The following PADI3 variants were observed in gnomAD, a reference collection of about 807,000 sequenced individuals.
PADI3 encodes protein-arginine deiminase type-3.
In PADI3, 53 loss-of-function variants were observed where a neutral mutation model predicts 71.5. That is an observed-to-expected ratio of 0.74 (90% CI 0.59 to 0.93). The LOEUF (loss-of-function observed/expected upper bound fraction) is 0.93, where lower values mean the gene tolerates loss of function less well. PADI3 is among the 40% of genes least tolerant of loss of function. The probability of loss-of-function intolerance (pLI) is 0.00; values close to 1 mark genes in which losing one functional copy is unlikely to be tolerated. For synonymous variants in PADI3, 361 were observed against 347.5 expected, an observed-to-expected ratio of 1.04 and a Z score of -0.43; for missense variants, 821 against 868.0, an observed-to-expected ratio of 0.95 and a Z score of 0.68.
chr1:17,267,736 G>A lies in PADI3; in HGVS notation c.527-101G>A, dbSNP rs1157798008. The A allele has an allele frequency of 2.1e-6, 3 of 1,420,148 alleles. 1 individual carries two copies. The highest frequency in any genetic ancestry group is 2.6e-5 in the South Asian group (2 of 76,642). The allele number at this position is 1,420,148 out of a possible 1,614,324, so 88.0% of individuals were successfully genotyped here. A position where few individuals can be genotyped will look rare whatever the true frequency, so the allele number is the denominator to read the frequency against. On this transcript the variant is annotated intron_variant, in intron 5 of 15. Transcript: ENST00000375460. The stretch of plus-strand genomic sequence containing the variant: ...CACAAAGCTAGGGCTGGGAGACCCA[G>A]GTCTTGATACCCACTGACCTGGGGA...
intron 13 of PADI3, among the ~76,000 whole-genome samples, chr1:17,278,181 G>C (rs1331373169): frequency 6.6e-6 from 1 of 152,234 alleles, no homozygotes; most frequent in Non-Finnish European, 1.5e-5. Context: ...ACTTTATACT[G>C]TAGCACTTTT....
intron 1 of PADI3, among the ~76,000 whole-genome samples, chr1:17,254,614 C>A (rs2073005501): frequency 6.6e-6 from 1 of 152,108 alleles, no homozygotes; most frequent in African/African-American, 2.4e-5. Context: ...ACCTTCCTCA[C>A]CAATGCCCCG....
intron 1 of PADI3, among the ~76,000 whole-genome samples, chr1:17,256,967 G>A (rs915138685): frequency 3.4e-5 from 5 of 149,174 alleles, no homozygotes; most frequent in Middle Eastern, 3.4e-3. Context: ...GGGAGGTGGA[G>A]GTTGCAGTGA....
chr1:17,276,582 C>A lies in PADI3; in HGVS notation c.1371C>A (p.Pro457=), dbSNP rs768704654. Residue 457 remains proline (P), a synonymous_variant, in exon 12 of 16, where the codon CCC becomes CCA. Transcript: ENST00000375460. ...TCCTCCATGCCCAGAAGGTGCAGCCCCCCGTGGAGCTCTTTGTGGACTGGT... is the reference window on the plus strand; with the variant it reads ...TCCTCCATGCCCAGAAGGTGCAGCCACCCGTGGAGCTCTTTGTGGACTGGT... The part of the protein sequence containing the change: ...RDFLHAQKVQ[P]PVELFVDWLA... The A allele has an allele frequency of 3.1e-6, 5 of 1,614,178 alleles. No homozygotes were observed. In the East Asian group the frequency reaches 1.1e-4, roughly 36 times the overall value.
chr1:17,268,099 A>T, intron 6 of PADI3, 137 bp downstream of exon 6: 2 of 936,080 alleles, frequency 2.1e-6, no homozygotes, highest in South Asian at 3.1e-5. Flanking sequence ...GGCGGGTCGC[A>T]GTAAGAACAG....
intron 3 of PADI3, among the ~76,000 whole-genome samples, chr1:17,263,434 G>T (rs1321008677): frequency 6.6e-6 from 1 of 151,992 alleles, no homozygotes; most frequent in Non-Finnish European, 1.5e-5. Flanking sequence ...ACCCATGCTT[G>T]TGTGGTTATC....
At position 17,273,387 on chromosome 1, in the gene PADI3, G is replaced by C. The variant is rs141356370; in HGVS notation, c.1095G>C (p.Pro365=). 8 of 1,613,790 alleles carry C rather than the reference G, an allele frequency of 5.0e-6. No homozygotes were observed. In the African/African-American group the frequency reaches 6.7e-5, roughly 13 times the overall value. ...TTCAGGCGCCGCACAAGACCCTCCC[G>C]GTGGTCTTTGACTCCCCAAGGAATG... ...GYVQAPHKTL[P]VVFDSPRNGE... is the part of the protein sequence containing the mutation. Residue 365 remains proline (P), a synonymous_variant, in exon 10 of 16, where the codon CCG becomes CCC. Coordinates refer to ENST00000375460, the MANE Select transcript of PADI3 (RefSeq NM_016233.2).
chr1:17,272,737 A>G, intron 9 of PADI3, among the ~76,000 whole-genome samples: 1 of 152,018 alleles, frequency 6.6e-6, no homozygotes, highest in East Asian at 1.9e-4. Context: ...GCCTCAAGCA[A>G]TCCTCCCGCC....
chr1:17,283,477 G>A lies in PADI3; in HGVS notation c.*398G>A, dbSNP rs757304322. On this transcript the variant is annotated 3_prime_UTR_variant, in exon 16 of 16. Transcript: ENST00000375460. ...TAACAGAGGAAGGATCCATGATTCTGCTTTGGTCCAATTGCTTCCTCTCTG... is the reference window on the plus strand; with the variant it reads ...TAACAGAGGAAGGATCCATGATTCTACTTTGGTCCAATTGCTTCCTCTCTG... The A allele has an allele frequency of 5.5e-6, 1 of 183,096 alleles. No individual in the cohort carries two copies. Among genetic ancestry groups the A allele is most frequent in the African/African-American group, 2.4e-5 (1 of 42,072 alleles). The allele number at this position is 183,096 out of a possible 1,614,324, so 11.3% of individuals were successfully genotyped here.
intron 10 of PADI3, among the ~76,000 whole-genome samples, chr1:17,273,728 A>G (rs1267273583): frequency 6.6e-6 from 1 of 152,158 alleles, no homozygotes. Flanking sequence ...GGCATCCTGT[A>G]TTTTTATTTA....
rs541038903 is a variant in PADI3 at position 17,280,411 on chromosome 1, C to G, written c.1617C>G (p.Asn539Lys). 1 of 1,613,798 alleles carries G rather than the reference C, an allele frequency of 6.2e-7. No homozygotes were observed. Among genetic ancestry groups the G allele is most frequent in the Non-Finnish European group, 8.5e-7 (1 of 1,179,756 alleles). The change falls in exon 14 of 16, where the codon AAC (asparagine) becomes AAG (lysine). Residue 539 changes from asparagine (N) to lysine (K), a missense_variant. By Grantham distance (94) the Asn-to-Lys change is moderately conservative. Transcript: ENST00000375460. ...NQVLSNKDLINYNKFVQSCID... is the reference protein window; with the variant it reads ...NQVLSNKDLIKYNKFVQSCID... ...TGCTCTCCAATAAAGACCTCATCAA[C>G]TACAATAAGTTTGTGCAGGTACAAG...
chr1:17,257,661 TA>T (rs1303281685), intron 1 of PADI3, among the ~76,000 whole-genome samples: 1 of 152,160 alleles, frequency 6.6e-6, no homozygotes, highest in African/African-American at 2.4e-5. Flanking sequence ...TCCCTTTTCA[TA>T]AAAAAGCTGC....
At chr1:17,272,173 C>T (rs2073263518) in intron 9 of PADI3, among the ~76,000 whole-genome samples, 2 of 152,204 alleles carry the variant, frequency 1.3e-5, no homozygotes, top group South Asian at 4.1e-4. Flanking sequence ...AGGACTCAGG[C>T]TGCCAAGCAC....
At chr1:17,276,371 A>G (rs904102685) in intron 11 of PADI3, 148 bp from the exon 12 acceptor site, 6 of 706,012 alleles carry the variant, frequency 8.5e-6, no homozygotes, top group Non-Finnish European at 1.4e-5. Flanking sequence ...AAATATACAT[A>G]TTTATTACTT....
At position 17,249,098 on chromosome 1, in the gene PADI3, A is replaced by C. The variant is rs756737090; in HGVS notation, c.-40A>C. 3 of 1,541,288 alleles carry C rather than the reference A, an allele frequency of 1.9e-6. No homozygotes were observed. In the Admixed American group the frequency reaches 5.0e-5, roughly 26 times the overall value. ...CCTCATCCTAAGGGGCCTCAGGGGC[A>C]GTGTTGGGGTTGGCGGCCACAGCTA... On this transcript the variant is annotated 5_prime_UTR_variant, in exon 1 of 16. Coordinates refer to ENST00000375460, the MANE Select transcript of PADI3 (RefSeq NM_016233.2).
chr1:17,273,234 C>A (rs1403568125), intron 9 of PADI3, 106 bp from the exon 10 acceptor site: 3 of 792,128 alleles, frequency 3.8e-6, no homozygotes, highest in Non-Finnish European at 4.0e-6. Flanking sequence ...CATGCTTGGG[C>A]CAGGGGACTT....
rs768493590 is a variant in PADI3, at chr1:17,249,112, C to T, written c.-26C>T. ...GCCTCAGGGGCAGTGTTGGGGTTGGCGGCCACAGCTAAGTCCAACACCAGC... is the reference window on the plus strand; with the variant it reads ...GCCTCAGGGGCAGTGTTGGGGTTGGTGGCCACAGCTAAGTCCAACACCAGC... On this transcript the variant is annotated 5_prime_UTR_variant, in exon 1 of 16. Coordinates refer to ENST00000375460, the MANE Select transcript of PADI3 (RefSeq NM_016233.2). The T allele has an allele frequency of 3.7e-6, 6 of 1,600,818 alleles. No individual in the cohort carries two copies. The highest frequency in any genetic ancestry group is 2.2e-5 in the East Asian group (1 of 44,792).
In PADI3 at chr1:17,276,586, G is replaced by A. The variant is rs376389875; in HGVS notation, c.1375G>A (p.Val459Met). 150 of 1,614,052 alleles carry A rather than the reference G, an allele frequency of 9.3e-5. No homozygotes were observed. The highest frequency in any genetic ancestry group is 4.9e-4 in the Middle Eastern group (3 of 6,082). ...FLHAQKVQPP[V>M]ELFVDWLAVG... ...CCATGCCCAGAAGGTGCAGCCCCCC[G>A]TGGAGCTCTTTGTGGACTGGTTGGC... is the stretch of plus-strand genomic sequence containing the variant. The change falls in exon 12 of 16, where the codon GTG becomes ATG. Residue 459 changes from valine to methionine, a missense_variant. Coordinates refer to ENST00000375460, the MANE Select transcript of PADI3 (RefSeq NM_016233.2).
chr1:17,262,846 G>T (rs997837094), intron 3 of PADI3, among the ~76,000 whole-genome samples: 1 of 152,196 alleles, frequency 6.6e-6, no homozygotes, highest in Non-Finnish European at 1.5e-5. Context: ...AGATCTAAGA[G>T]CTCTGTGACA....
Sources: gnomAD v4.1 joint callset for allele counts (sites outside exome capture counted in the v4.1 genomes callset) on GRCh38, gnomAD v4.1.1 for gene constraint, MANE v1.5 for transcripts, NCBI Gene and HGNC (gene_info 2026-07-23, HGNC 2026-07-21) for gene names.